DOCK3: variants seen among roughly 807,000 people sequenced by gnomAD.
DOCK3 encodes the protein dedicator of cytokinesis protein 3.
In DOCK3, 60 loss-of-function variants were observed where a neutral mutation model predicts 265.6. That is an observed-to-expected ratio of 0.23 (90% CI 0.18 to 0.28). The LOEUF (loss-of-function observed/expected upper bound fraction) is 0.28. DOCK3 is among the 10% of genes least tolerant of loss of function. The pLI is 1.00. For synonymous variants in DOCK3, 881 were observed against 938.0 expected, an observed-to-expected ratio of 0.94 and a Z score of 1.11; for missense variants, 1,981 against 2,594.3, an observed-to-expected ratio of 0.76 and a Z score of 5.14.
intron 12 of DOCK3, among the ~76,000 whole-genome samples, chr3:51,208,150 A>T (rs2089318650): frequency 6.6e-6 from 1 of 152,184 alleles, no homozygotes; most frequent in African/African-American, 2.4e-5. Flanking sequence ...CCTAGGAAGA[A>T]ACTTTATTCT....
chr3:51,380,242 G>A (rs782126041), intron 52 of DOCK3, 35 bp downstream of exon 52: 1 of 1,588,012 alleles, frequency 6.3e-7, no homozygotes, highest in Non-Finnish European at 8.6e-7. Flanking sequence ...ACCAGGCTGT[G>A]AGATGAGTCA....
chr3:51,295,565 G>A (rs867301409), intron 27 of DOCK3, among the ~76,000 whole-genome samples: 2 of 152,004 alleles, frequency 1.3e-5, no homozygotes, highest in Non-Finnish European at 2.9e-5. Flanking sequence ...CAACAATTTG[G>A]TATTTGTTTT....
At chr3:51,180,647 A>T (rs950843839) in intron 12 of DOCK3, among the ~76,000 whole-genome samples, 9 of 152,160 alleles carry the variant, frequency 5.9e-5, no homozygotes, top group African/African-American at 2.2e-4. Flanking sequence ...TAATCTCCTT[A>T]TCTCAAAATC....
At chr3:50,975,875 G>A (rs1296320470) in intron 5 of DOCK3, among the ~76,000 whole-genome samples, 9 of 150,660 alleles carry the variant, frequency 6.0e-5, no homozygotes, top group African/African-American at 2.2e-4. Context: ...TCTTGGGAGA[G>A]TGTATGTGTC....
At chr3:50,855,680 T>G (rs2046556522) in intron 3 of DOCK3, among the ~76,000 whole-genome samples, 1 of 152,142 alleles carries the variant, frequency 6.6e-6, no homozygotes, top group African/African-American at 2.4e-5. Context: ...TTTATTTATT[T>G]CCTTCAACTT....
intron 5 of DOCK3, among the ~76,000 whole-genome samples, chr3:50,947,227 G>A (rs1333594565): frequency 1.3e-5 from 2 of 151,960 alleles, no homozygotes; most frequent in East Asian, 3.9e-4. Flanking sequence ...TCTTCAAAAT[G>A]TGATTTATTT....
chr3:51,205,258 A>C (rs2089119646), intron 12 of DOCK3, among the ~76,000 whole-genome samples: 1 of 152,148 alleles, frequency 6.6e-6, no homozygotes, highest in African/African-American at 2.4e-5. Context: ...AGGATTTAGA[A>C]AGCACTTTTA....
intron 4 of DOCK3, among the ~76,000 whole-genome samples, chr3:50,925,101 C>G (rs2050691523): frequency 6.6e-6 from 1 of 152,110 alleles, no homozygotes. Flanking sequence ...TATGTCACTA[C>G]CCTGCCTTTT....
chr3:50,750,608 G>A (rs775169315), intron 1 of DOCK3, among the ~76,000 whole-genome samples: 10 of 152,154 alleles, frequency 6.6e-5, no homozygotes, highest in African/African-American at 2.2e-4. Context: ...GATTACAGTC[G>A]TGAGCTACCG....
At chr3:50,969,350 T>A (rs1246437722) in intron 5 of DOCK3, among the ~76,000 whole-genome samples, 1 of 152,186 alleles carries the variant, frequency 6.6e-6, no homozygotes, top group Non-Finnish European at 1.5e-5. Context: ...CCCCTTTACA[T>A]TGAGTCTATA....
intron 3 of DOCK3, among the ~76,000 whole-genome samples, chr3:50,865,925 A>G (rs925345153): frequency 6.6e-6 from 1 of 152,176 alleles, no homozygotes; most frequent in Non-Finnish European, 1.5e-5. Flanking sequence ...ACCATTTCAT[A>G]TGCCGGTTTT....
intron 33 of DOCK3, among the ~76,000 whole-genome samples, chr3:51,330,492 A>T (rs898253475): frequency 1.3e-5 from 2 of 152,176 alleles, no homozygotes; most frequent in Non-Finnish European, 2.9e-5. Flanking sequence ...GTGTCTTCAT[A>T]ACATGCACTG....
intron 5 of DOCK3, among the ~76,000 whole-genome samples, chr3:51,028,178 T>C (rs922323853): frequency 2.6e-4 from 39 of 152,220 alleles, no homozygotes; most frequent in Non-Finnish European, 1.0e-4. Context: ...GTATTTCTCC[T>C]ATGAAGCTTA....
At chr3:50,925,506 G>A (rs1454782468) in intron 4 of DOCK3, among the ~76,000 whole-genome samples, 2 of 151,930 alleles carry the variant, frequency 1.3e-5, no homozygotes, top group African/African-American at 4.8e-5. Context: ...TCATGCCTGT[G>A]AATAGGCACT....
rs1488290982 is a variant in DOCK3 at position 50,976,012 on chromosome 3, G to A, written c.315+41935G>A. ...TATCCCCTTTATCATTTTTTATTGC[G>A]TCTATTTGATTCTTCTCTCTTTTTT... is the stretch of plus-strand genomic sequence containing the variant. On this transcript the variant is annotated intron_variant, in intron 5 of 52. Transcript: ENST00000266037. 1.3e-4 allele frequency among the ~76,000 whole-genome samples: 19 copies of A among 150,796 alleles called. No individual in the cohort carries two copies. The East Asian group carries it at 2.0e-3, about 16-fold the overall frequency.
rs956684969 is a variant in DOCK3, at chr3:50,699,407, A to G, written c.37+24107A>G. Among the ~76,000 whole-genome samples the G allele has an allele frequency of 3.4e-5, 5 of 147,596 alleles. 1 individual carries two copies. The highest frequency in any genetic ancestry group is 1.5e-5 in the Non-Finnish European group (1 of 67,022). ...TTTTGGCTATTTGGATTCCATGTGT[A>G]TTTTCAGATGGATTTTTTCTATTTC... On this transcript the variant is annotated intron_variant, in intron 1 of 52. Coordinates refer to ENST00000266037, the MANE Select transcript of DOCK3 (RefSeq NM_004947.5).
intron 4 of DOCK3, among the ~76,000 whole-genome samples, chr3:50,898,860 G>A (rs575338405): frequency 4.6e-5 from 7 of 152,088 alleles, no homozygotes; most frequent in East Asian, 1.9e-4. Context: ...TATGATTTCC[G>A]TTCTTTTGCA....
chr3:51,085,518 C>T (rs571206990), intron 7 of DOCK3, among the ~76,000 whole-genome samples: 111 of 152,222 alleles, frequency 7.3e-4, no homozygotes, highest in African/African-American at 2.6e-3. Context: ...AAAAGAGGAA[C>T]TTTGTAAACT....
rs9847043 is a variant in DOCK3 at position 50,905,885 on chromosome 3, T to C, written c.218+15804T>C. On this transcript the variant is annotated intron_variant, in intron 4 of 52. Coordinates refer to ENST00000266037, the MANE Select transcript of DOCK3 (RefSeq NM_004947.5). ...TCCAGTTTTTGCCCATTCAGTATGA[T>C]ATTGGCTGTGGGTTTGTCATAAATA... 1.2e-3 allele frequency among the ~76,000 whole-genome samples: 179 copies of C among 152,190 alleles called. 1 individual carries two copies. The highest frequency in any genetic ancestry group is 2.5e-3 in the African/African-American group (104 of 41,480).
Sources: gnomAD v4.1 joint callset for allele counts (sites outside exome capture counted in the v4.1 genomes callset) on GRCh38, gnomAD v4.1.1 for gene constraint, MANE v1.5 for transcripts, NCBI Gene and HGNC (gene_info 2026-07-23, HGNC 2026-07-21) for gene names.